The following CCDC171 variants were observed in gnomAD, a reference collection of about 807,000 sequenced individuals.
CCDC171 encodes the protein coiled-coil domain containing 171.
CCDC171 carries 177 observed loss-of-function variants against 168.2 expected under a neutral mutation model. The observed-to-expected ratio is 1.05, with a 90% CI of 0.93 to 1.19. The LOEUF (loss-of-function observed/expected upper bound fraction) is 1.19, where lower values mean the gene tolerates loss of function less well. CCDC171 is among the 50% of genes most tolerant of loss of function. The probability of loss-of-function intolerance (pLI) is 0.00; values close to 1 mark genes in which losing one functional copy is unlikely to be tolerated. For synonymous variants in CCDC171, 687 were observed against 540.8 expected, an observed-to-expected ratio of 1.27 and a Z score of -3.75; for missense variants, 1,991 against 1,539.0, an observed-to-expected ratio of 1.29 and a Z score of -4.91.
At chr9:15,822,035 T>C (rs923526721) in intron 21 of CCDC171, among the ~76,000 whole-genome samples, 12 of 152,124 alleles carry the variant, frequency 7.9e-5, no homozygotes, top group African/African-American at 2.9e-4. Flanking sequence ...GCTGCATATC[T>C]ACAACTATCT....
chr9:15,601,568 C>G (rs1393903829), intron 6 of CCDC171, among the ~76,000 whole-genome samples: 1 of 152,202 alleles, frequency 6.6e-6, no homozygotes, highest in Non-Finnish European at 1.5e-5. Context: ...GCTCTGGATA[C>G]TGAGGCTGTA....
chr9:15,623,502 C>CACACACACACAG lies in CCDC171; in HGVS notation c.822+94_822+95insCACACAGACACA, dbSNP rs1006558906. Reference sequence around the variant, plus strand: ...ACACACACACACACACACACACACACACACATAAAACCCATTCCGTGATTT... The same window carrying CACACACACACAG: ...ACACACACACACACACACACACACACACACACACACAGACACATAAAACCCATTCCGTGATTT... On this transcript the variant is annotated intron_variant, in intron 7 of 25. Transcript: ENST00000380701. 63 of 693,626 alleles carry CACACACACACAG rather than the reference C, an allele frequency of 9.1e-5. No individual in the cohort carries two copies. The African/African-American group carries it at 1.0e-3, about 11-fold the overall frequency. 43.0% of individuals were successfully genotyped at this position (693,626 alleles called of 1,614,324 possible). A position where few individuals can be genotyped will look rare whatever the true frequency, so the allele number is the denominator to read the frequency against.
In CCDC171 at chr9:15,604,976, G is replaced by A. The variant is rs985906177; in HGVS notation, c.675+10804G>A. The stretch of plus-strand genomic sequence containing the variant: ...TCTGTTGCCCATGTTGGAGTGCAGC[G>A]GGACTATCACAGCTCACTGCAGCCT... On this transcript the variant is annotated intron_variant, in intron 6 of 25. Coordinates refer to ENST00000380701, the MANE Select transcript of CCDC171 (RefSeq NM_173550.4). Among the ~76,000 whole-genome samples, 9 of 152,050 alleles carry A rather than the reference G, an allele frequency of 5.9e-5. No individual in the cohort carries two copies. The South Asian group carries it at 6.2e-4, about 11-fold the overall frequency.
At chr9:16,074,184 C>A in the CCDC171 span, among the ~76,000 whole-genome samples, 16 of 152,308 alleles carry the variant, frequency 1.1e-4, no homozygotes, top group South Asian at 3.1e-3. Flanking sequence ...TTCTTTGGCC[C>A]TTTAAACCTT....
chr9:15,785,495 T>G (rs1009388598), intron 21 of CCDC171, among the ~76,000 whole-genome samples: 3 of 152,066 alleles, frequency 2.0e-5, no homozygotes, highest in Admixed American at 6.6e-5. Flanking sequence ...TAGCCAAAAT[T>G]TATTGTTAAC....
chr9:16,059,517 T>C (rs1280884895), intron 1 of CCDC171, among the ~76,000 whole-genome samples: 3 of 140,268 alleles, frequency 2.1e-5, no homozygotes, highest in Non-Finnish European at 4.6e-5. Flanking sequence ...TTTTTTTTTT[T>C]TTTTTTTTGA....
intron 16 of CCDC171, among the ~76,000 whole-genome samples, chr9:15,740,295 G>A (rs1387871696): frequency 6.6e-6 from 1 of 151,154 alleles, no homozygotes; most frequent in African/African-American, 2.4e-5. Flanking sequence ...CATTTAGTCT[G>A]TCTTTTTGCT....
At chr9:15,651,637 A>G (rs986551864) in intron 7 of CCDC171, among the ~76,000 whole-genome samples, 1 of 152,130 alleles carries the variant, frequency 6.6e-6, no homozygotes, top group Non-Finnish European at 1.5e-5. Flanking sequence ...TTTACTTAAC[A>G]TAATGACCTC....
chr9:15,628,109 C>T (rs1307891431), intron 7 of CCDC171, among the ~76,000 whole-genome samples: 3 of 152,124 alleles, frequency 2.0e-5, no homozygotes, highest in Non-Finnish European at 2.9e-5. Context: ...ACGCAGAAGA[C>T]GGGTGATTTC....
intron 9 of CCDC171, among the ~76,000 whole-genome samples, chr9:15,675,715 G>A (rs1213444212): frequency 6.6e-6 from 1 of 152,132 alleles, no homozygotes; most frequent in African/African-American, 2.4e-5. Context: ...CTCTCTTCTG[G>A]CTTGTAGGGT....
chr9:15,758,835 C>T (rs1182898708), intron 18 of CCDC171, among the ~76,000 whole-genome samples: 1 of 152,126 alleles, frequency 6.6e-6, no homozygotes, highest in African/African-American at 2.4e-5. Context: ...TTCTCTCTTG[C>T]CACTGCCATG....
chr9:16,068,845 C>G, the CCDC171 span, among the ~76,000 whole-genome samples: 1 of 152,002 alleles, frequency 6.6e-6, no homozygotes, highest in East Asian at 1.9e-4. Context: ...ATAATCCTTT[C>G]TTAAACTGCT....
chr9:15,695,383 A>C (rs766055450), intron 11 of CCDC171, 46 bp downstream of exon 11: 3 of 1,422,616 alleles, frequency 2.1e-6, no homozygotes, highest in African/African-American at 1.4e-5. Flanking sequence ...CAATGTTCCA[A>C]AGTCACTACA....
intron 24 of CCDC171, among the ~76,000 whole-genome samples, chr9:15,914,738 C>T (rs1361589650): frequency 1.3e-5 from 2 of 152,058 alleles, no homozygotes; most frequent in Non-Finnish European, 2.9e-5. Context: ...GCTCAAATGG[C>T]CACCCAGTTT....
At chr9:16,029,160 A>T (rs1382109485) in intron 6 of CCDC171, among the ~76,000 whole-genome samples, 3 of 152,138 alleles carry the variant, frequency 2.0e-5, no homozygotes, top group Non-Finnish European at 2.9e-5. Context: ...AAGTGGTAAA[A>T]GGAGAGGAGA....
chr9:15,839,979 C>A (rs976277091), intron 21 of CCDC171, among the ~76,000 whole-genome samples: 3 of 151,852 alleles, frequency 2.0e-5, no homozygotes, highest in African/African-American at 7.2e-5. Context: ...CCTTCAAATT[C>A]TCTTAAATAA....
intron 23 of CCDC171, among the ~76,000 whole-genome samples, chr9:15,851,384 G>T (rs2061120212): frequency 2.0e-5 from 3 of 150,858 alleles, no homozygotes. Context: ...TTTTATTTAT[G>T]CCAGTTTTTA....
At chr9:15,866,176 A>G (rs2061777143) in intron 23 of CCDC171, among the ~76,000 whole-genome samples, 1 of 152,012 alleles carries the variant, frequency 6.6e-6, no homozygotes, top group Non-Finnish European at 1.5e-5. Context: ...CTTGGATCAT[A>G]TAATGGAAGG....
At chr9:15,866,947 C>A (rs1378127375) in intron 23 of CCDC171, among the ~76,000 whole-genome samples, 1 of 151,976 alleles carries the variant, frequency 6.6e-6, no homozygotes, top group African/African-American at 2.4e-5. Flanking sequence ...TAACATAAGC[C>A]ATCTCTAGAT....
Sources: gnomAD v4.1 joint callset for allele counts (sites outside exome capture counted in the v4.1 genomes callset) on GRCh38, gnomAD v4.1.1 for gene constraint, MANE v1.5 for transcripts, NCBI Gene and HGNC (gene_info 2026-07-23, HGNC 2026-07-21) for gene names.